Variants in ENTREP2 observed in about 807,000 individuals in gnomAD.
The protein encoded by ENTREP2 is protein ENTREP2.
the ENTREP2 span, among the ~76,000 whole-genome samples, chr15:29,412,679 T>A: frequency 6.6e-6 from 1 of 152,118 alleles, no homozygotes; most frequent in Non-Finnish European, 1.5e-5. Context: ...TTTTCATTCA[T>A]AATAATGGTT....
the ENTREP2 span, among the ~76,000 whole-genome samples, chr15:29,548,757 A>G: frequency 6.6e-6 from 1 of 152,194 alleles, no homozygotes; most frequent in Non-Finnish European, 1.5e-5. Flanking sequence ...GAAAAGAGTT[A>G]TATTTTTCAT....
the ENTREP2 span, among the ~76,000 whole-genome samples, chr15:29,530,065 A>G: frequency 2.6e-5 from 4 of 152,096 alleles, no homozygotes; most frequent in South Asian, 4.1e-4. Flanking sequence ...CCTCGTGCTT[A>G]TAAGTCTTGG....
the ENTREP2 span, among the ~76,000 whole-genome samples, chr15:29,276,805 A>G: frequency 6.6e-6 from 1 of 152,248 alleles, no homozygotes; most frequent in Non-Finnish European, 1.5e-5. Flanking sequence ...AGGTCTGGCT[A>G]AATCAGTAGC....
the ENTREP2 span, chr15:29,136,648 G>T: frequency 1.1e-6 from 1 of 884,402 alleles, no homozygotes. Context: ...TCAGTCACTG[G>T]GCGATTTGCA....
the ENTREP2 span, among the ~76,000 whole-genome samples, chr15:29,249,865 A>AG: frequency 6.6e-6 from 1 of 152,082 alleles, no homozygotes; most frequent in Non-Finnish European, 1.5e-5. Context: ...TGGAAAGTGA[A>AG]GGGGGAGCCA....
chr15:29,136,313 G>C, the ENTREP2 span: 1 of 1,444,486 alleles, frequency 6.9e-7, no homozygotes, highest in African/African-American at 1.5e-5. Flanking sequence ...GGCCGGGACG[G>C]TGTCCCTAGC....
At chr15:29,544,670 C>A in the ENTREP2 span, among the ~76,000 whole-genome samples, 51,124 of 151,828 alleles carry the variant, frequency 0.34, 8,815 homozygotes, top group East Asian at 0.42. Context: ...ACAAAGAGAT[C>A]TTTTACTACA....
chr15:29,368,702 T>A, the ENTREP2 span, among the ~76,000 whole-genome samples: 1 of 151,434 alleles, frequency 6.6e-6, no homozygotes, highest in Non-Finnish European at 1.5e-5. Context: ...CAAGATACTA[T>A]CATTAACAAA....
the ENTREP2 span, among the ~76,000 whole-genome samples, chr15:29,134,921 C>A: frequency 6.6e-6 from 1 of 152,072 alleles, no homozygotes; most frequent in African/African-American, 2.4e-5. Context: ...AGACAGCGAG[C>A]AGCTGGCCAG....
At chr15:29,507,585 T>C in the ENTREP2 span, among the ~76,000 whole-genome samples, 71,108 of 151,992 alleles carry the variant, frequency 0.47, 17,905 homozygotes, top group African/African-American at 0.67. Flanking sequence ...AATTAGAACT[T>C]AGGATTAAGA....
chr15:29,376,101 ACT>A, the ENTREP2 span: 1 of 152,162 alleles, frequency 6.6e-6, no homozygotes, highest in Non-Finnish European at 1.5e-5. Context: ...AAAAAAAAAA[ACT>A]GTCCTAAACT....
At chr15:29,633,872 T>C in the ENTREP2 span, among the ~76,000 whole-genome samples, 1 of 151,976 alleles carries the variant, frequency 6.6e-6, no homozygotes. Flanking sequence ...GGCGAGAGAA[T>C]CGCTTGAACC....
At chr15:29,513,804 C>T in the ENTREP2 span, among the ~76,000 whole-genome samples, 10 of 152,340 alleles carry the variant, frequency 6.6e-5, no homozygotes, top group South Asian at 2.1e-3. Flanking sequence ...ATGTCCACAT[C>T]TCTGCAGTAT....
chr15:29,671,255 G>A, the ENTREP2 span, among the ~76,000 whole-genome samples: 3 of 152,206 alleles, frequency 2.0e-5, no homozygotes, highest in Non-Finnish European at 2.9e-5. Flanking sequence ...CTGGCTGTTC[G>A]TCTGTGTCCA....
chr15:29,489,960 T>C, the ENTREP2 span, among the ~76,000 whole-genome samples: 1 of 152,250 alleles, frequency 6.6e-6, no homozygotes, highest in African/African-American at 2.4e-5. Flanking sequence ...TTAATTCTTC[T>C]GAAATGAAAC....
chr15:29,635,646 G>T, the ENTREP2 span, among the ~76,000 whole-genome samples: 1 of 152,172 alleles, frequency 6.6e-6, no homozygotes, highest in Non-Finnish European at 1.5e-5. Flanking sequence ...CAGACCCCGT[G>T]TAGGCCTCTC....
the ENTREP2 span, among the ~76,000 whole-genome samples, chr15:29,126,846 C>T: frequency 6.6e-6 from 1 of 152,160 alleles, no homozygotes. Flanking sequence ...CCCACCAGGT[C>T]GCGGCAGGCC....
chr15:29,671,792 T>G, the ENTREP2 span, among the ~76,000 whole-genome samples: 1 of 152,166 alleles, frequency 6.6e-6, no homozygotes, highest in South Asian at 2.1e-4. Context: ...TTTGGACAGG[T>G]GATCCCAGCG....
the ENTREP2 span, among the ~76,000 whole-genome samples, chr15:29,516,612 G>A: frequency 6.6e-6 from 1 of 151,970 alleles, no homozygotes; most frequent in Non-Finnish European, 1.5e-5. Flanking sequence ...GGGGATGGGG[G>A]GGTGCAGGTA....
Sources: gnomAD v4.1 joint callset for allele counts (sites outside exome capture counted in the v4.1 genomes callset) on GRCh38, gnomAD v4.1.1 for gene constraint, MANE v1.5 for transcripts, NCBI Gene and HGNC (gene_info 2026-07-23, HGNC 2026-07-21) for gene names.